The following CLYBL variants were observed in gnomAD, a reference collection of about 807,000 sequenced individuals.
The protein encoded by CLYBL is citramalyl-CoA lyase.
CLYBL carries 31 observed loss-of-function variants against 38.9 expected under a neutral mutation model. That is an observed-to-expected ratio of 0.80 (90% CI 0.60 to 1.08). CLYBL has a LOEUF of 1.08. Among genes scored for constraint, CLYBL ranks in the 50% least tolerant of loss-of-function variants. The pLI is 0.00. For missense variants in CLYBL, 434 were observed against 411.6 expected, an observed-to-expected ratio of 1.05 and a Z score of -0.47; for synonymous variants, 171 against 158.6, an observed-to-expected ratio of 1.08 and a Z score of -0.59.
At chr13:99,658,314 T>C (rs1234375621) in intron 1 of CLYBL, among the ~76,000 whole-genome samples, 1 of 152,230 alleles carries the variant, frequency 6.6e-6, no homozygotes, top group Non-Finnish European at 1.5e-5. Context: ...TTGTCGATAG[T>C]AATCACCACC....
chr13:99,876,327 A>C (rs1418736177), intron 7 of CLYBL, among the ~76,000 whole-genome samples: 2 of 149,544 alleles, frequency 1.3e-5, no homozygotes, highest in Non-Finnish European at 3.0e-5. Flanking sequence ...AGGCTGAGGC[A>C]GGAGAATCAC....
At chr13:99,761,586 G>T (rs929311297) in intron 1 of CLYBL, among the ~76,000 whole-genome samples, 1 of 152,078 alleles carries the variant, frequency 6.6e-6, no homozygotes, top group African/African-American at 2.4e-5. Context: ...ACTTTGATTG[G>T]TTCCATATTT....
chr13:99,713,815 C>G (rs1186214548), intron 1 of CLYBL, among the ~76,000 whole-genome samples: 1 of 147,364 alleles, frequency 6.8e-6, no homozygotes, highest in Non-Finnish European at 1.5e-5. Context: ...TCCCAAGTAG[C>G]TGGGACTACA....
intron 1 of CLYBL, among the ~76,000 whole-genome samples, chr13:99,731,031 C>T (rs754242568): frequency 2.2e-4 from 31 of 138,704 alleles, no homozygotes; most frequent in Non-Finnish European, 3.3e-4. Context: ...TGCTGTGAGC[C>T]GAGATCGTGC....
intron 9 of CLYBL, among the ~76,000 whole-genome samples, chr13:99,907,418 A>G (rs971038761): frequency 1.3e-5 from 2 of 152,208 alleles, no homozygotes; most frequent in Admixed American, 6.5e-5. Context: ...TGTGATTATA[A>G]CCATGTTAAA....
In CLYBL at chr13:99,641,396, G is replaced by A. The variant is rs541481978; in HGVS notation, c.62+34639G>A. The stretch of plus-strand genomic sequence containing the variant: ...TAAAAATAGTACAACACGGCCAGGT[G>A]CAGTGGCTCACGCCTGTAATCCCAG... On this transcript the variant is annotated intron_variant, in intron 1 of 8. Transcript: ENST00000339105. Among the ~76,000 whole-genome samples, 9 of 152,230 alleles carry A rather than the reference G, an allele frequency of 5.9e-5. No individual in the cohort carries two copies. In the South Asian group the frequency reaches 1.7e-3, roughly 28 times the overall value.
chr13:99,758,155 A>C (rs533622932), intron 1 of CLYBL, among the ~76,000 whole-genome samples: 1 of 152,306 alleles, frequency 6.6e-6, no homozygotes, highest in Admixed American at 6.5e-5. Flanking sequence ...CCAGAATTTG[A>C]CAATTTTGAA....
intron 2 of CLYBL, among the ~76,000 whole-genome samples, chr13:99,837,043 TAAAAAAAA>T (rs34500560): frequency 1.4e-5 from 2 of 147,934 alleles, no homozygotes; most frequent in Non-Finnish European, 3.0e-5. Context: ...GTATAATAAT[TAAAAAAAA>T]AAGGAGAGTT....
intron 1 of CLYBL, among the ~76,000 whole-genome samples, chr13:99,711,554 G>A (rs1566297624): frequency 6.7e-6 from 1 of 148,254 alleles, no homozygotes; most frequent in Non-Finnish European, 1.5e-5. Flanking sequence ...TTACAGGCAT[G>A]CACCACCACG....
chr13:99,665,506 T>C (rs973396152), intron 1 of CLYBL, among the ~76,000 whole-genome samples: 1 of 151,994 alleles, frequency 6.6e-6, no homozygotes, highest in Non-Finnish European at 1.5e-5. Flanking sequence ...CAAAATCTTA[T>C]GAATATAGTT....
At chr13:99,698,336 T>A (rs1300920947) in intron 1 of CLYBL, among the ~76,000 whole-genome samples, 2 of 8,384 alleles carry the variant, frequency 2.4e-4, no homozygotes, top group Non-Finnish European at 8.6e-4. Context: ...CTGGCTGCTG[T>A]TTTTTTTTTT....
chr13:99,616,133 C>T (rs1195085662), intron 1 of CLYBL, among the ~76,000 whole-genome samples: 1 of 146,566 alleles, frequency 6.8e-6, no homozygotes, highest in African/African-American at 2.5e-5. Flanking sequence ...GTGTGAGCCA[C>T]CACGCCTGGC....
At chr13:99,755,396 G>A (rs550571531) in intron 1 of CLYBL, among the ~76,000 whole-genome samples, 1 of 152,268 alleles carries the variant, frequency 6.6e-6, no homozygotes, top group South Asian at 2.1e-4. Context: ...CCTGTGATCT[G>A]TTCTTGGGGT....
At chr13:99,900,068 A>C (rs1291521718), downstream of CLYBL, among the ~76,000 whole-genome samples, 1 of 152,072 alleles carries the variant, frequency 6.6e-6, no homozygotes, top group Non-Finnish European at 1.5e-5. Context: ...CTGGGATTAC[A>C]GGGGCACACC....
At position 99,707,430 on chromosome 13, in the gene CLYBL, C is replaced by T. The variant is rs187864058; in HGVS notation, c.63-65394C>T. 4.6e-5 allele frequency among the ~76,000 whole-genome samples: 7 copies of T among 152,076 alleles called. No homozygotes were observed. In the East Asian group the frequency reaches 5.8e-4, roughly 13 times the overall value. ...GTTTACAGTCATGCGCCACCACGCC[C>T]GGCTAATTTTTTTGTGTGTCTTTAG... is the stretch of plus-strand genomic sequence containing the variant. On this transcript the variant is annotated intron_variant, in intron 1 of 8. Coordinates refer to ENST00000339105, the MANE Select transcript of CLYBL (RefSeq NM_206808.5).
At chr13:99,811,827 G>A (rs938242220) in intron 2 of CLYBL, among the ~76,000 whole-genome samples, 4 of 152,262 alleles carry the variant, frequency 2.6e-5, no homozygotes, top group South Asian at 2.1e-4. Flanking sequence ...GAATATAACC[G>A]ACTGAGAGGC....
rs368109391 is a variant in CLYBL at position 99,798,339 on chromosome 13, T to C, written c.249+25329T>C. Among the ~76,000 whole-genome samples, 100 of 152,314 alleles carry C rather than the reference T, an allele frequency of 6.6e-4. 2 individuals carry two copies. The South Asian group carries it at 0.02, about 31-fold the overall frequency. ...CTCTCTTTGGCCCATGGGATCATGT[T>C]TGGGCTCGTTCCCCCTCCATCATCT... On this transcript the variant is annotated intron_variant, in intron 2 of 8. Coordinates refer to ENST00000339105, the MANE Select transcript of CLYBL (RefSeq NM_206808.5).
intron 1 of CLYBL, among the ~76,000 whole-genome samples, chr13:99,746,354 T>A (rs1182465885): frequency 1.3e-5 from 1 of 78,510 alleles, no homozygotes; most frequent in Non-Finnish European, 3.0e-5. Flanking sequence ...CTTTAAATAC[T>A]ATTTTTTTTT....
At chr13:99,824,027 A>G (rs1029981941) in intron 2 of CLYBL, among the ~76,000 whole-genome samples, 1 of 152,174 alleles carries the variant, frequency 6.6e-6, no homozygotes, top group Non-Finnish European at 1.5e-5. Context: ...TGGAAAAGAT[A>G]TGGGAAATAA....
Sources: gnomAD v4.1 joint callset for allele counts (sites outside exome capture counted in the v4.1 genomes callset) on GRCh38, gnomAD v4.1.1 for gene constraint, MANE v1.5 for transcripts, NCBI Gene and HGNC (gene_info 2026-07-23, HGNC 2026-07-21) for gene names.